Variants in SULF2 observed in about 807,000 individuals in gnomAD.
The protein encoded by SULF2 is sulfatase 2, also known as extracellular sulfatase Sulf-2.
In SULF2, 52 loss-of-function variants were observed where a neutral mutation model predicts 107.7. That is an observed-to-expected ratio of 0.48 (90% CI 0.39 to 0.61). SULF2 has a LOEUF of 0.61. Ranked by LOEUF, SULF2 falls within the 20% of genes least tolerant of loss-of-function variation. The pLI is 0.00. For missense variants in SULF2, 993 were observed against 1,177.3 expected, an observed-to-expected ratio of 0.84 and a Z score of 2.29; for synonymous variants, 460 against 464.3, an observed-to-expected ratio of 0.99 and a Z score of 0.12.
At chr20:47,752,644 C>T (rs116091817) in intron 2 of SULF2, among the ~76,000 whole-genome samples, 2,655 of 151,336 alleles carry the variant, frequency 0.018, 69 homozygotes, top group African/African-American at 0.058. Flanking sequence ...CCAGCTACTT[C>T]GGGGGCTGGG....
intron 1 of SULF2, among the ~76,000 whole-genome samples, chr20:47,782,868 G>C (rs1056651849): frequency 6.6e-6 from 1 of 152,146 alleles, no homozygotes; most frequent in African/African-American, 2.4e-5. Context: ...CTTTTACTTT[G>C]CAAAGTTTGA....
At chr20:47,697,885 T>C (rs1156868056) in intron 4 of SULF2, among the ~76,000 whole-genome samples, 2 of 152,178 alleles carry the variant, frequency 1.3e-5, no homozygotes, top group Non-Finnish European at 2.9e-5. Context: ...GGGAATGTAT[T>C]TTTCAGGATA....
At chr20:47,676,431 C>T (rs1247560647) in intron 10 of SULF2, 63 bp downstream of exon 10, 56 of 1,564,434 alleles carry the variant, frequency 3.6e-5, no homozygotes, top group Non-Finnish European at 4.2e-5. Flanking sequence ...CTCAGAGCCT[C>T]GCAGGTCAGG....
At chr20:47,709,065 G>A (rs931160889) in intron 3 of SULF2, among the ~76,000 whole-genome samples, 7 of 152,116 alleles carry the variant, frequency 4.6e-5, no homozygotes, top group Admixed American at 1.3e-4. Flanking sequence ...TGGTTATTCC[G>A]GCACCAGTGG....
intron 3 of SULF2, among the ~76,000 whole-genome samples, chr20:47,732,339 T>C (rs1334370129): frequency 6.6e-6 from 1 of 152,198 alleles, no homozygotes; most frequent in Non-Finnish European, 1.5e-5. Flanking sequence ...AAATAACTTG[T>C]CCAAGTTCAT....
chr20:47,691,485 A>T (rs2146544163), intron 4 of SULF2, among the ~76,000 whole-genome samples: 1 of 152,270 alleles, frequency 6.6e-6, no homozygotes, highest in South Asian at 2.1e-4. Flanking sequence ...TTCTGGTTGG[A>T]TTGGCCTGCG....
chr20:47,766,433 G>T (rs547690097), intron 1 of SULF2, among the ~76,000 whole-genome samples: 1 of 152,248 alleles, frequency 6.6e-6, no homozygotes, highest in African/African-American at 2.4e-5. Flanking sequence ...GGGTCATTCA[G>T]AGGGAGGAGG....
Position 47,757,352 on chromosome 20 carries a change from CG to C in SULF2, c.11del (p.Pro4ArgfsTer28). 5 of 1,591,402 alleles carry C rather than the reference CG, an allele frequency of 3.1e-6. No homozygotes were observed. Among genetic ancestry groups the C allele is most frequent in the Admixed American group, 1.7e-5 (1 of 57,770 alleles). On this transcript the variant is annotated frameshift_variant, in exon 2 of 21. Coordinates refer to ENST00000688720, the MANE Select transcript of SULF2 (RefSeq NM_001387048.1). LOFTEE classifies it high-confidence loss of function. Reference sequence around the variant, plus strand: ...CGGACAGCAAGCACAGCACGAGGCTCGGGGGGCCCATCTTCTTTTTTTGCTG... The same window carrying C: ...CGGACAGCAAGCACAGCACGAGGCTCGGGGGCCCATCTTCTTTTTTTGCTG... MGP[P>X]SLVLCLLSAT...
chr20:47,727,878 A>G (rs533914364), intron 3 of SULF2, among the ~76,000 whole-genome samples: 46 of 152,334 alleles, frequency 3.0e-4, no homozygotes, highest in African/African-American at 1.0e-3. Context: ...ACTTATTTTG[A>G]AATCTGAGGT....
At chr20:47,728,218 T>C (rs996749750) in intron 3 of SULF2, among the ~76,000 whole-genome samples, 1 of 151,986 alleles carries the variant, frequency 6.6e-6, no homozygotes, top group South Asian at 2.1e-4. Flanking sequence ...GCTGTGTGTG[T>C]GCGTGCGTGC....
rs377648217 is a variant in SULF2, at chr20:47,661,754, C to T, written c.2494+19G>A. The T allele has an allele frequency of 3.1e-4, 475 of 1,518,342 alleles. 1 individual carries two copies. The highest frequency in any genetic ancestry group is 4.0e-4 in the Non-Finnish European group (447 of 1,117,822). 94.1% of individuals were successfully genotyped at this position (1,518,342 alleles called of 1,614,324 possible). A position where few individuals can be genotyped will look rare whatever the true frequency, so the allele number is the denominator to read the frequency against. On this transcript the variant is annotated intron_variant, in intron 18 of 20. Coordinates refer to ENST00000688720, the MANE Select transcript of SULF2 (RefSeq NM_001387048.1). ...GTTACCCTGCTGTCCAAGGGCCCCACGTTGGGGTGCCTACTCACCCAGGTC... is the reference window on the plus strand; with the variant it reads ...GTTACCCTGCTGTCCAAGGGCCCCATGTTGGGGTGCCTACTCACCCAGGTC...
chr20:47,663,200 C>A lies in SULF2; in HGVS notation c.2240G>T (p.Cys747Phe). The change falls in exon 17 of 21, where the codon TGT becomes TTT. Residue 747 changes from cysteine (C) to phenylalanine (F), a missense_variant. Cys to Phe is a radical substitution (Grantham distance 205). Around this residue, in one of 3 missense-constraint regions of SULF2, gnomAD observed 497 missense variants for 544.1 expected, o/e 0.91. Transcript: ENST00000688720. ...TAPFWTLGPF[C>F]ACTSANNNTY... ...GTTATTGTTGGCGCTGGTGCAGGCA[C>A]AGAAAGGCCCCACTGCCAAGGAAGA... 6.2e-7 allele frequency: 1 copy of A among 1,614,144 alleles called. No individual in the cohort carries two copies. The highest frequency in any genetic ancestry group is 8.5e-7 in the Non-Finnish European group (1 of 1,180,026).
At chr20:47,731,196 T>TTTATTTTTTTATTTTTTTTA (rs2089600292) in intron 3 of SULF2, among the ~76,000 whole-genome samples, 33 of 103,746 alleles carry the variant, frequency 3.2e-4, no homozygotes, top group African/African-American at 1.2e-3. Flanking sequence ...TCTTTTTTTT[T>TTTATTTTTTTATTTTTTTTA]TTTTTTTTTT....
Position 47,757,401 on chromosome 20 carries a change from C to A in SULF2, c.-38G>T. On this transcript the variant is annotated 5_prime_UTR_variant, in exon 2 of 21. Transcript: ENST00000688720. The stretch of plus-strand genomic sequence containing the variant: ...CTGATCTGGTGCTTCTTTTGGGATG[C>A]GGGAGTCTCAAGTTGCGTCTGTGGC... 2 of 1,536,502 alleles carry A rather than the reference C, an allele frequency of 1.3e-6. No homozygotes were observed. Among genetic ancestry groups the A allele is most frequent in the Admixed American group, 2.0e-5 (1 of 50,506 alleles).
In SULF2 at chr20:47,666,467, C is replaced by T. The variant is rs1349856840; in HGVS notation, c.1598G>A (p.Arg533His). 18 of 1,613,216 alleles carry T rather than the reference C, an allele frequency of 1.1e-5. No individual in the cohort carries two copies. The highest frequency in any genetic ancestry group is 3.3e-5 in the Admixed American group (2 of 60,006). The change falls in exon 12 of 21, where the codon CGC becomes CAC. Residue 533 changes from arginine (R) to histidine (H), a missense_variant. Physicochemically the swap from Arg to His is conservative, Grantham distance 29. This residue lies in a region of SULF2 where 497 missense variants were observed against 544.1 expected (regional missense o/e 0.91). Transcript: ENST00000688720. This position sits in a 1 kb window ranked among gnomAD's most constrained non-coding sequence, Gnocchi z 5.4. Reference sequence around the variant, plus strand: ...GGCCACTGAGCGGATGGAGCGACTGCGGACATAGCTGGCCTTGTACTCTGT... The same window carrying T: ...GGCCACTGAGCGGATGGAGCGACTGTGGACATAGCTGGCCTTGTACTCTGT... Reference protein sequence around the residue: ...FKKKYKASYVRSRSIRSVAIE... With the variant: ...FKKKYKASYVHSRSIRSVAIE...
rs933055334 is a variant in SULF2 at position 47,669,449 on chromosome 20, C to T, written c.1576+2749G>A. ...TCCATAGCCTCTGCTCACTAGACGC[C>T]AGCAGCACCCCTCCATCACACACAA... is the stretch of plus-strand genomic sequence containing the variant. On this transcript the variant is annotated intron_variant, in intron 11 of 20. Transcript: ENST00000688720. Among the ~76,000 whole-genome samples the T allele has an allele frequency of 4.6e-5, 7 of 152,338 alleles. No individual in the cohort carries two copies. In the East Asian group the frequency reaches 5.8e-4, roughly 13 times the overall value.
intron 1 of SULF2, among the ~76,000 whole-genome samples, chr20:47,781,622 G>T (rs1377938049): frequency 6.6e-6 from 1 of 152,102 alleles, no homozygotes; most frequent in Non-Finnish European, 1.5e-5. Flanking sequence ...CTAAGTTATG[G>T]TAACAGTCAA....
At chr20:47,665,713 C>T in intron 13 of SULF2, 144 bp downstream of exon 13, 1 of 669,892 alleles carries the variant, frequency 1.5e-6, no homozygotes, top group Non-Finnish European at 2.6e-6. Flanking sequence ...ACACCTATCC[C>T]CGCGTTGAGG....
At chr20:47,769,541 G>A (rs12480542) in intron 1 of SULF2, among the ~76,000 whole-genome samples, 6 of 151,944 alleles carry the variant, frequency 3.9e-5, no homozygotes, top group East Asian at 3.9e-4. Context: ...CCAGAAGCTC[G>A]CATGGGCAGG....
Sources: gnomAD v4.1 joint callset for allele counts (sites outside exome capture counted in the v4.1 genomes callset) on GRCh38, gnomAD v4.1.1 for gene constraint, gnomAD v4.1.1 regional missense constraint, Gnocchi (gnomAD v3.1) non-coding constraint, MANE v1.5 for transcripts, NCBI Gene and HGNC (gene_info 2026-07-23, HGNC 2026-07-21) for gene names.